The following ING3 variants were observed in gnomAD, a reference collection of about 807,000 sequenced individuals.
ING3 encodes the protein inhibitor of growth protein 3.
Under a neutral mutation model 64.8 loss-of-function variants are expected in ING3, and 6 were observed. That is an observed-to-expected ratio of 0.09 (90% CI 0.05 to 0.18). The LOEUF (loss-of-function observed/expected upper bound fraction) is 0.18, where lower values mean the gene tolerates loss of function less well. Ranked by LOEUF, ING3 falls within the 10% of genes least tolerant of loss-of-function variation. The pLI, the probability that ING3 is intolerant of heterozygous loss-of-function variation, is 1.00. For synonymous variants in ING3, 170 were observed against 173.7 expected (o/e 0.98, Z 0.17); for missense variants, 310 against 489.7 (o/e 0.63, Z 3.46).
At chr7:120,968,231 ATATTT>A (rs762965175) in intron 8 of ING3, 140 bp downstream of exon 8, 1 of 794,816 alleles carries the variant, frequency 1.3e-6, no homozygotes, top group South Asian at 2.0e-5. Flanking sequence ...ACGATATGTG[ATATTT>A]TATTTAATGA....
chr7:120,963,576 A>G (rs1219259374), intron 4 of ING3, among the ~76,000 whole-genome samples: 1 of 152,190 alleles, frequency 6.6e-6, no homozygotes, highest in Non-Finnish European at 1.5e-5. Flanking sequence ...CCTTGGGCAT[A>G]TTACTTAAGT....
At chr7:120,952,579 G>A (rs940192082) in intron 2 of ING3, among the ~76,000 whole-genome samples, 1 of 152,074 alleles carries the variant, frequency 6.6e-6, no homozygotes, top group African/African-American at 2.4e-5. Context: ...TAACAGAACT[G>A]TGTGCCAAAT....
chr7:120,955,654 A>G (rs1319487308), intron 4 of ING3, 30 bp downstream of exon 4: 21 of 1,412,890 alleles, frequency 1.5e-5, no homozygotes, highest in African/African-American at 2.8e-5. Context: ...ATACTGTGCC[A>G]TAAGTACTTG....
At chr7:120,957,215 C>T (rs1795862035) in intron 4 of ING3, among the ~76,000 whole-genome samples, 1 of 151,964 alleles carries the variant, frequency 6.6e-6, no homozygotes, top group Non-Finnish European at 1.5e-5. Flanking sequence ...ACTAAAAATA[C>T]AAAAATATTA....
At chr7:120,956,381 C>A (rs1318592253) in intron 4 of ING3, 1 of 1,327,224 alleles carries the variant, frequency 7.5e-7, no homozygotes, top group Admixed American at 3.4e-5. Context: ...CTTATGTTGT[C>A]TTTCCTGGGT....
At chr7:120,960,871 T>G (rs1200724368) in intron 4 of ING3, among the ~76,000 whole-genome samples, 1 of 152,222 alleles carries the variant, frequency 6.6e-6, no homozygotes, top group African/African-American at 2.4e-5. Context: ...GTCACTGTCA[T>G]AAGGATGTAT....
chr7:120,975,726 A>G lies in ING3; in HGVS notation c.*882A>G, dbSNP rs927121728. 5.3e-5 allele frequency: 8 copies of G among 152,278 alleles called. No individual in the cohort carries two copies. The highest frequency in any genetic ancestry group is 1.9e-4 in the African/African-American group (8 of 41,564). The allele number at this position is 152,278 out of a possible 1,614,324, so 9.4% of individuals were successfully genotyped here. A position where few individuals can be genotyped will look rare whatever the true frequency, so the allele number is the denominator to read the frequency against. On this transcript the variant is annotated 3_prime_UTR_variant, in exon 12 of 12. Coordinates refer to ENST00000315870, the MANE Select transcript of ING3 (RefSeq NM_019071.3). ...TTCCAATTAACTTTCAACTTTCATA[A>G]TCTAAAAAGAATCAGAGACCCAGGA...
intron 4 of ING3, chr7:120,956,416 G>A (rs1036243884): frequency 2.2e-5 from 28 of 1,253,018 alleles, no homozygotes; most frequent in South Asian, 1.4e-4. Context: ...GAACAAGTAC[G>A]TGTAAGTAAA....
intron 9 of ING3, among the ~76,000 whole-genome samples, chr7:120,969,441 A>G (rs1170841924): frequency 1.3e-5 from 2 of 152,344 alleles, no homozygotes; most frequent in African/African-American, 2.4e-5. Flanking sequence ...TTGTTAATAC[A>G]TGACTTCTTT....
chr7:120,960,101 G>C (rs1337345913), intron 4 of ING3, among the ~76,000 whole-genome samples: 1 of 152,196 alleles, frequency 6.6e-6, no homozygotes, highest in African/African-American at 2.4e-5. Context: ...GTTTGAGGTG[G>C]TACTTGGAAA....
chr7:120,967,751 T>G, intron 7 of ING3, 103 bp downstream of exon 7: 1 of 1,329,108 alleles, frequency 7.5e-7, no homozygotes, highest in Non-Finnish European at 1.0e-6. Flanking sequence ...CTTTACCTGG[T>G]TAAAGTATAC....
In ING3 at chr7:120,972,755, G is replaced by C. The variant is rs999057151; in HGVS notation, c.1102-450G>C. On this transcript the variant is annotated intron_variant, in intron 10 of 11. Coordinates refer to ENST00000315870, the MANE Select transcript of ING3 (RefSeq NM_019071.3). ...TTAGCAAGTTATGCCCTAAAGTGCT[G>C]GTGATGAAGAGCAAAAGAAAAATGA... Among the ~76,000 whole-genome samples, 5 of 152,120 alleles carry C rather than the reference G, an allele frequency of 3.3e-5. No individual in the cohort carries two copies. In the East Asian group the frequency reaches 5.8e-4, roughly 18 times the overall value.
chr7:120,956,838 C>T (rs971735068), intron 4 of ING3: 10 of 964,618 alleles, frequency 1.0e-5, no homozygotes, highest in Non-Finnish European at 1.2e-5. Flanking sequence ...TTAGAGACTG[C>T]CTGCTTTTTA....
chr7:120,954,112 T>C (rs1489115036), intron 3 of ING3, among the ~76,000 whole-genome samples: 2 of 152,218 alleles, frequency 1.3e-5, no homozygotes, highest in East Asian at 1.9e-4. Context: ...CTAAACCCAA[T>C]GTTCATAGAA....
intron 4 of ING3, among the ~76,000 whole-genome samples, chr7:120,961,536 C>T (rs2525715): frequency 0.2 from 30,340 of 152,066 alleles, 3,329 homozygotes; most frequent in African/African-American, 0.22. Flanking sequence ...TAGTGATACA[C>T]TTTAAATGTG....
intron 2 of ING3, 107 bp downstream of exon 2, chr7:120,951,342 C>A: frequency 9.8e-7 from 1 of 1,017,120 alleles, no homozygotes. Flanking sequence ...CTGGCTCACT[C>A]CGCTAGTGCA....
At chr7:120,967,895 C>A in intron 7 of ING3, 39 bp from the exon 8 acceptor site, 1 of 1,602,998 alleles carries the variant, frequency 6.2e-7, no homozygotes, top group Non-Finnish European at 8.5e-7. Context: ...ACATTATGTT[C>A]TCTGCAACCA....
At chr7:120,969,381 T>G (rs1407792570) in intron 9 of ING3, among the ~76,000 whole-genome samples, 177 bp downstream of exon 9, 1 of 152,228 alleles carries the variant, frequency 6.6e-6, no homozygotes, top group Non-Finnish European at 1.5e-5. Flanking sequence ...TGTCAAGTCT[T>G]TAAAAAGTGT....
chr7:120,974,864 T>C lies in ING3; in HGVS notation c.*20T>C, dbSNP rs1465699171. 2 of 1,530,846 alleles carry C rather than the reference T, an allele frequency of 1.3e-6. No homozygotes were observed. Among genetic ancestry groups the C allele is most frequent in the Non-Finnish European group, 1.8e-6 (2 of 1,113,794 alleles). The allele number at this position is 1,530,846 out of a possible 1,614,324, so 94.8% of individuals were successfully genotyped here. On this transcript the variant is annotated 3_prime_UTR_variant, in exon 12 of 12. Transcript: ENST00000315870. ...AAATAAAGGTGGTCCTTTTGTTTGA[T>C]GAAGAAATAAACTTCAGCTGAAGAT...
Sources: gnomAD v4.1 joint callset for allele counts (sites outside exome capture counted in the v4.1 genomes callset) on GRCh38, gnomAD v4.1.1 for gene constraint, MANE v1.5 for transcripts, NCBI Gene and HGNC (gene_info 2026-07-23, HGNC 2026-07-21) for gene names.